VAT1L: variants seen among roughly 807,000 people sequenced by gnomAD.
VAT1L encodes the protein putative NADPH-dependent quinone oxidoreductase VAT1L.
In VAT1L, 34 loss-of-function variants were observed where a neutral mutation model predicts 44.1. That is an observed-to-expected ratio of 0.77 (90% CI 0.59 to 1.03). VAT1L has a LOEUF of 1.03. VAT1L is among the 50% of genes least tolerant of loss of function. VAT1L has a pLI of 0.00. For synonymous variants in VAT1L, 253 were observed against 202.2 expected, an observed-to-expected ratio of 1.25 and a Z score of -2.13; for missense variants, 615 against 538.8, an observed-to-expected ratio of 1.14 and a Z score of -1.40.
rs751442529 is a variant in VAT1L, at chr16:77,971,946, C to T, written c.1161+13C>T. On this transcript the variant is annotated intron_variant, in intron 8 of 8. Coordinates refer to ENST00000302536, the MANE Select transcript of VAT1L (RefSeq NM_020927.3). Reference sequence around the variant, plus strand: ...CCCAACTCCACTGGTGAGTGAAAAGCAGAGGAGTCTGTTCAGTTCCACGCG... The same window carrying T: ...CCCAACTCCACTGGTGAGTGAAAAGTAGAGGAGTCTGTTCAGTTCCACGCG... 16 of 1,611,800 alleles carry T rather than the reference C, an allele frequency of 9.9e-6. No homozygotes were observed. Among genetic ancestry groups the T allele is most frequent in the Non-Finnish European group, 1.4e-5 (16 of 1,178,864 alleles).
intron 7 of VAT1L, among the ~76,000 whole-genome samples, chr16:77,895,280 C>T (rs1267674450): frequency 2.0e-5 from 3 of 152,186 alleles, no homozygotes; most frequent in Admixed American, 2.0e-4. Flanking sequence ...CACAGCTCTG[C>T]CTCAGTGTAT....
intron 7 of VAT1L, among the ~76,000 whole-genome samples, chr16:77,906,537 G>C (rs974785602): frequency 2.0e-5 from 3 of 152,332 alleles, no homozygotes; most frequent in East Asian, 3.9e-4. Context: ...GAGAGAAAAA[G>C]TGAGGGAGAA....
intron 1 of VAT1L, among the ~76,000 whole-genome samples, chr16:77,808,407 G>A (rs1249691406): frequency 6.6e-6 from 1 of 152,070 alleles, no homozygotes; most frequent in East Asian, 1.9e-4. Context: ...ATATTACAAT[G>A]TAATAATAAT....
intron 7 of VAT1L, among the ~76,000 whole-genome samples, chr16:77,939,429 G>A (rs1311252027): frequency 6.6e-6 from 1 of 152,160 alleles, no homozygotes; most frequent in East Asian, 1.9e-4. Context: ...TAGTTACACT[G>A]AGAACTGTGA....
At chr16:77,906,008 T>G (rs2017432957) in intron 7 of VAT1L, among the ~76,000 whole-genome samples, 1 of 152,250 alleles carries the variant, frequency 6.6e-6, no homozygotes, top group Non-Finnish European at 1.5e-5. Context: ...CCATCGCTCA[T>G]GAATTTTGGA....
intron 7 of VAT1L, among the ~76,000 whole-genome samples, chr16:77,905,409 A>G (rs1044088322): frequency 6.6e-6 from 1 of 152,060 alleles, no homozygotes; most frequent in Non-Finnish European, 1.5e-5. Context: ...TTACACTTAA[A>G]AATTTGACAG....
chr16:77,867,302 C>G (rs1012431777), intron 4 of VAT1L, among the ~76,000 whole-genome samples: 6 of 152,102 alleles, frequency 3.9e-5, no homozygotes, highest in Non-Finnish European at 7.4e-5. Flanking sequence ...CATATTTAAT[C>G]TCTCACCAAA....
chr16:77,867,507 T>A (rs1268612323), intron 4 of VAT1L, among the ~76,000 whole-genome samples: 2 of 152,110 alleles, frequency 1.3e-5, no homozygotes, highest in Non-Finnish European at 2.9e-5. Context: ...CTTCTCGACT[T>A]ACAATGGAGT....
chr16:77,884,472 C>T lies in VAT1L; in HGVS notation c.883-136C>T, dbSNP rs565818741. 2 of 693,302 alleles carry T rather than the reference C, an allele frequency of 2.9e-6. No individual in the cohort carries two copies. The highest frequency in any genetic ancestry group is 3.6e-5 in the Admixed American group (1 of 28,040). 42.9% of individuals were successfully genotyped at this position (693,302 alleles called of 1,614,324 possible). ...TAAAAAAATACACCACCAAGAGCAA[C>T]CCCTTGGCCAGCTGGAATCTGCTGA... On this transcript the variant is annotated intron_variant, in intron 6 of 8. Coordinates refer to ENST00000302536, the MANE Select transcript of VAT1L (RefSeq NM_020927.3). The surrounding 1 kb of genome is among the most constrained non-coding windows in gnomAD (Gnocchi z 4.5).
At chr16:77,948,208 C>T (rs1322224221) in intron 7 of VAT1L, among the ~76,000 whole-genome samples, 1 of 152,218 alleles carries the variant, frequency 6.6e-6, no homozygotes, top group Non-Finnish European at 1.5e-5. Flanking sequence ...GCCACCTTCC[C>T]TCTTCTCCTG....
intron 4 of VAT1L, among the ~76,000 whole-genome samples, chr16:77,875,731 T>G (rs897977007): frequency 6.6e-6 from 1 of 152,226 alleles, no homozygotes; most frequent in African/African-American, 2.4e-5. Flanking sequence ...TCATCTCTAT[T>G]TAACCCTCTT....
chr16:77,864,236 T>C (rs1253835178), intron 4 of VAT1L, among the ~76,000 whole-genome samples: 1 of 152,222 alleles, frequency 6.6e-6, no homozygotes, highest in Non-Finnish European at 1.5e-5. Context: ...TGTTTCGGCA[T>C]TCTCATTTTC....
At chr16:77,852,993 CTG>C (rs1289818942) in intron 3 of VAT1L, among the ~76,000 whole-genome samples, 3 of 152,228 alleles carry the variant, frequency 2.0e-5, no homozygotes, top group African/African-American at 7.2e-5. Flanking sequence ...ACAGTAAACT[CTG>C]TGGAGCTGGA....
At chr16:77,905,749 T>A (rs1372883993) in intron 7 of VAT1L, among the ~76,000 whole-genome samples, 1 of 152,190 alleles carries the variant, frequency 6.6e-6, no homozygotes, top group Non-Finnish European at 1.5e-5. Flanking sequence ...TTTCATCACC[T>A]GTGTTTGTGC....
rs1009569116 is a variant in VAT1L at position 77,847,290 on chromosome 16, C to T, written c.580-15458C>T. On this transcript the variant is annotated intron_variant, in intron 3 of 8. Coordinates refer to ENST00000302536, the MANE Select transcript of VAT1L (RefSeq NM_020927.3). ...TCTTTTGTTGATTGTGACCTGCAAC[C>T]ACTAAATAGTGGCCAAAAGCAGTAG... Among the ~76,000 whole-genome samples the T allele has an allele frequency of 1.3e-4, 19 of 151,896 alleles. No homozygotes were observed. The South Asian group carries it at 3.8e-3, about 30-fold the overall frequency.
intron 3 of VAT1L, among the ~76,000 whole-genome samples, chr16:77,854,086 C>T (rs1040865926): frequency 2.0e-5 from 3 of 151,974 alleles, no homozygotes; most frequent in Non-Finnish European, 4.4e-5. Context: ...CAAGATCGCA[C>T]CACTGCACTC....
At chr16:77,974,437 T>C (rs2018313617) in intron 8 of VAT1L, among the ~76,000 whole-genome samples, 1 of 152,176 alleles carries the variant, frequency 6.6e-6, no homozygotes, top group African/African-American at 2.4e-5. Flanking sequence ...CTCGGGCTGA[T>C]AGGAAGGCCT....
intron 3 of VAT1L, among the ~76,000 whole-genome samples, chr16:77,852,406 G>A (rs1228730554): frequency 6.6e-6 from 1 of 152,220 alleles, no homozygotes; most frequent in Non-Finnish European, 1.5e-5. Flanking sequence ...GGCGTCTCGG[G>A]CACTGGCTGG....
intron 7 of VAT1L, among the ~76,000 whole-genome samples, chr16:77,927,679 C>T (rs1011948289): frequency 2.6e-5 from 4 of 151,994 alleles, no homozygotes; most frequent in Non-Finnish European, 5.9e-5. Flanking sequence ...AGTTCGAGAC[C>T]ATCCTGGCTA....
Sources: gnomAD v4.1 joint callset for allele counts (sites outside exome capture counted in the v4.1 genomes callset) on GRCh38, gnomAD v4.1.1 for gene constraint, Gnocchi (gnomAD v3.1) non-coding constraint, MANE v1.5 for transcripts, NCBI Gene and HGNC (gene_info 2026-07-23, HGNC 2026-07-21) for gene names.